Variants in FAM174B observed in about 807,000 individuals in gnomAD.
The protein encoded by FAM174B is membrane protein FAM174B.
FAM174B carries 12 observed loss-of-function variants against 10.9 expected under a neutral mutation model. The observed-to-expected ratio is 1.10, with a 90% CI of 0.71 to 1.79. The LOEUF (loss-of-function observed/expected upper bound fraction) is 1.79, where lower values mean the gene tolerates loss of function less well. Ranked by LOEUF, FAM174B falls within the 40% of genes most tolerant of loss-of-function variation. The probability of loss-of-function intolerance (pLI) is 0.00; values close to 1 mark genes in which losing one functional copy is unlikely to be tolerated. For synonymous variants in FAM174B, 132 were observed against 115.8 expected, an observed-to-expected ratio of 1.14 and a Z score of -0.90; for missense variants, 266 against 233.3, an observed-to-expected ratio of 1.14 and a Z score of -0.91.
chr15:92,626,172 C>T (rs553687565), intron 2 of FAM174B, among the ~76,000 whole-genome samples: 3 of 114,018 alleles, frequency 2.6e-5, no homozygotes, highest in South Asian at 3.2e-4. Context: ...GATCTTGGCT[C>T]ACTGCAATCT....
intron 1 of FAM174B, among the ~76,000 whole-genome samples, chr15:92,635,931 C>A (rs923185755): frequency 6.6e-6 from 1 of 152,150 alleles, no homozygotes; most frequent in Non-Finnish European, 1.5e-5. Flanking sequence ...ATGCACCAGT[C>A]AGAAGCCGGG....
chr15:92,641,444 T>C (rs1021098222), intron 1 of FAM174B, among the ~76,000 whole-genome samples: 3 of 152,210 alleles, frequency 2.0e-5, no homozygotes, highest in African/African-American at 7.2e-5. Context: ...AAATAAATTA[T>C]GTTACATCCA....
chr15:92,622,063 T>C (rs1567042093), intron 2 of FAM174B, among the ~76,000 whole-genome samples: 2 of 152,190 alleles, frequency 1.3e-5, no homozygotes, highest in African/African-American at 4.8e-5. Flanking sequence ...GCCTGCGGGC[T>C]CTGGGGAAAG....
rs1164228919 is a variant in FAM174B at position 92,655,068 on chromosome 15, G to A, written c.344+248C>T. The A allele has an allele frequency of 2.7e-5, 10 of 373,254 alleles. No homozygotes were observed. In the Admixed American group the frequency reaches 2.8e-4, roughly 10 times the overall value. The allele number at this position is 373,254 out of a possible 1,614,324, so 23.1% of individuals were successfully genotyped here. Reference sequence around the variant, plus strand: ...GCATTAGCAGAAAGCCAACAAATGGGAACCACATATTTATTTTATATATAT... The same window carrying A: ...GCATTAGCAGAAAGCCAACAAATGGAAACCACATATTTATTTTATATATAT... On this transcript the variant is annotated intron_variant, in intron 1 of 2. Coordinates refer to ENST00000327355, the MANE Select transcript of FAM174B (RefSeq NM_207446.3).
chr15:92,632,083 T>C (rs1380524143), intron 1 of FAM174B, among the ~76,000 whole-genome samples: 1 of 152,158 alleles, frequency 6.6e-6, no homozygotes. Context: ...CAAAAGTCAC[T>C]ATTAGGGATG....
At chr15:92,650,254 C>T (rs2050957105) in intron 1 of FAM174B, among the ~76,000 whole-genome samples, 1 of 152,148 alleles carries the variant, frequency 6.6e-6, no homozygotes, top group Non-Finnish European at 1.5e-5. Context: ...TTTTCAAAGA[C>T]CTGGCTTAGT....
intron 2 of FAM174B, among the ~76,000 whole-genome samples, chr15:92,629,622 G>C (rs1321321192): frequency 6.6e-6 from 1 of 152,210 alleles, no homozygotes; most frequent in Non-Finnish European, 1.5e-5. Flanking sequence ...CTATAAAGGT[G>C]ACTTTGTGTT....
At chr15:92,636,549 T>C (rs1441375054) in intron 1 of FAM174B, among the ~76,000 whole-genome samples, 1 of 152,190 alleles carries the variant, frequency 6.6e-6, no homozygotes, top group Non-Finnish European at 1.5e-5. Flanking sequence ...ACCAGGAGAC[T>C]TTCAGTGGGG....
At chr15:92,624,935 T>G (rs957027780) in intron 2 of FAM174B, among the ~76,000 whole-genome samples, 3 of 152,128 alleles carry the variant, frequency 2.0e-5, no homozygotes, top group Non-Finnish European at 4.4e-5. Flanking sequence ...AACAAAGTCT[T>G]CTGTAATAAA....
chr15:92,629,480 G>C (rs992334684), intron 2 of FAM174B, among the ~76,000 whole-genome samples: 1 of 152,220 alleles, frequency 6.6e-6, no homozygotes, highest in Non-Finnish European at 1.5e-5. Flanking sequence ...CTCAGCTACT[G>C]ACATAAGCGA....
intron 1 of FAM174B, among the ~76,000 whole-genome samples, chr15:92,631,450 CAT>C (rs2050816629): frequency 4.4e-5 from 2 of 45,574 alleles, no homozygotes; most frequent in Non-Finnish European, 7.2e-5. Flanking sequence ...ATATATATAA[CAT>C]AATATATATT....
intron 2 of FAM174B, among the ~76,000 whole-genome samples, chr15:92,623,020 G>T (rs1488901595): frequency 1.3e-5 from 2 of 152,116 alleles, no homozygotes; most frequent in African/African-American, 2.4e-5. Context: ...GCTGGGCGTG[G>T]TGGCAGGCGC....
In FAM174B at chr15:92,618,842, A is replaced by ATTT. The variant is rs1489107552; in HGVS notation, c.*613_*614insAAA. 634 of 134,000 alleles carry ATTT rather than the reference A, an allele frequency of 4.7e-3. No individual in the cohort carries two copies. The highest frequency in any genetic ancestry group is 7.3e-3 in the African/African-American group (262 of 35,788). 8.3% of individuals were successfully genotyped at this position (134,000 alleles called of 1,614,324 possible). Reference sequence around the variant, plus strand: ...TTCTGCTGAACCTTTTTTTTTTTTAAAAAAAAAAAAAAAGGAAGAAAGAAA... The same window carrying ATTT: ...TTCTGCTGAACCTTTTTTTTTTTTAATTTAAAAAAAAAAAAAGGAAGAAAGAAA... On this transcript the variant is annotated 3_prime_UTR_variant, in exon 3 of 3. Coordinates refer to ENST00000327355, the MANE Select transcript of FAM174B (RefSeq NM_207446.3).
chr15:92,655,678 A>C lies in FAM174B; in HGVS notation c.-19T>G, dbSNP rs1210048112. On this transcript the variant is annotated 5_prime_UTR_variant, in exon 1 of 3. Transcript: ENST00000327355. ...CGCGCATAGTGCGGTGGGTCGGCAC[A>C]GGATCGGGCAGGGCGCGCGCGGCTG... 1 of 1,244,252 alleles carries C rather than the reference A, an allele frequency of 8.0e-7. No homozygotes were observed. Among genetic ancestry groups the C allele is most frequent in the East Asian group, 3.2e-5 (1 of 30,810 alleles). The allele number at this position is 1,244,252 out of a possible 1,614,324, so 77.1% of individuals were successfully genotyped here.
intron 1 of FAM174B, among the ~76,000 whole-genome samples, chr15:92,652,277 C>T (rs2050971492): frequency 6.6e-6 from 1 of 152,134 alleles, no homozygotes; most frequent in Non-Finnish European, 1.5e-5. Flanking sequence ...CACAGAGGGG[C>T]CCTAGCTGCA....
At position 92,655,450 on chromosome 15, in the gene FAM174B, G is replaced by A. The variant is rs1162096893; in HGVS notation, c.210C>T (p.Ser70=). 5.8e-4 allele frequency: 1 copy of A among 1,736 alleles called. No homozygotes were observed. The highest frequency in any genetic ancestry group is 1.9e-3 in the African/African-American group (1 of 516). 0.1% of individuals were successfully genotyped at this position (1,736 alleles called of 1,614,324 possible). A position where few individuals can be genotyped will look rare whatever the true frequency, so the allele number is the denominator to read the frequency against. The change falls in exon 1 of 3, where the codon TCC becomes TCT. Residue 70 remains serine (S), a synonymous_variant. Coordinates refer to ENST00000327355, the MANE Select transcript of FAM174B (RefSeq NM_207446.3). ...TCACCAAGGCGTCGCCACTGCTGTT[G>A]GAGCTGGAGCTGCCGCTGCCGCCCG... ...GAAGGSGSSS[S]NSSGDALVTR...
At position 92,617,653 on chromosome 15, in the gene FAM174B, G is replaced by T. The variant is rs2050687803; in HGVS notation, c.*1803C>A. On this transcript the variant is annotated 3_prime_UTR_variant, in exon 3 of 3. Transcript: ENST00000327355. ...GTTGTCGAAAACCCTGTGTGAGCCA[G>T]CAGTTCCAGTTCAAAGGTTGAGGGG... is the stretch of plus-strand genomic sequence containing the variant. 4.5e-6 allele frequency: 3 copies of T among 669,368 alleles called. No individual in the cohort carries two copies. The highest frequency in any genetic ancestry group is 8.0e-6 in the Non-Finnish European group (3 of 373,804). 41.5% of individuals were successfully genotyped at this position (669,368 alleles called of 1,614,324 possible). A position where few individuals can be genotyped will look rare whatever the true frequency, so the allele number is the denominator to read the frequency against.
intron 1 of FAM174B, among the ~76,000 whole-genome samples, chr15:92,634,142 G>T (rs1487361652): frequency 6.6e-6 from 1 of 152,224 alleles, no homozygotes; most frequent in Non-Finnish European, 1.5e-5. Context: ...ATCTGGAACG[G>T]GAGAAAAGAA....
chr15:92,633,013 T>A (rs2050829662), intron 1 of FAM174B, among the ~76,000 whole-genome samples: 1 of 149,418 alleles, frequency 6.7e-6, no homozygotes, highest in Middle Eastern at 3.5e-3. Context: ...ACGTTCTTTG[T>A]GTTTGTTCCT....
Sources: allele counts gnomAD v4.1 joint callset (sites outside exome capture counted in the v4.1 genomes callset), GRCh38; gene constraint gnomAD v4.1.1; transcripts MANE v1.5; gene names NCBI Gene and HGNC (gene_info 2026-07-23, HGNC 2026-07-21).